The following PLCB3 variants were observed in gnomAD, a reference collection of about 807,000 sequenced individuals.
PLCB3 encodes the protein 1-phosphatidylinositol 4,5-bisphosphate phosphodiesterase beta-3.
Under a neutral mutation model 152.1 loss-of-function variants are expected in PLCB3, and 54 were observed. The ratio of observed to expected loss-of-function variants is 0.36; its 90% CI spans 0.29 to 0.45. The LOEUF (loss-of-function observed/expected upper bound fraction) is 0.45. Ranked by LOEUF, PLCB3 falls within the 20% of genes least tolerant of loss-of-function variation. The pLI is 1.00. For synonymous variants in PLCB3, 717 were observed against 698.7 expected, an observed-to-expected ratio of 1.03 and a Z score of -0.41; for missense variants, 1,248 against 1,687.5, an observed-to-expected ratio of 0.74 and a Z score of 4.56.
chr11:64,266,075 G>A lies in PLCB3; in HGVS notation c.3189+36G>A, dbSNP rs747729549. 12 of 1,613,848 alleles carry A rather than the reference G, an allele frequency of 7.4e-6. No individual in the cohort carries two copies. Among genetic ancestry groups the A allele is most frequent in the Non-Finnish European group, 1.0e-5 (12 of 1,179,936 alleles). On this transcript the variant is annotated intron_variant, in intron 26 of 30. Transcript: ENST00000279230. The surrounding 1 kb of genome is among the most constrained non-coding windows in gnomAD (Gnocchi z 4.9). ...TGCAGTGGCCAGGGAAAGCCTGCTG[G>A]ATAGACCCGTCGTCAGCCCGGCATC... is the stretch of plus-strand genomic sequence containing the variant.
Position 64,258,848 on chromosome 11 carries a change from G to C in PLCB3, c.1254-37G>C, listed in dbSNP as rs752334609. ...CCCGTAGACCTCAGCTTCCTCTCTG[G>C]GGGAGGGATCTCTGACCTCTGACCT... On this transcript the variant is annotated intron_variant, in intron 11 of 30. Transcript: ENST00000279230. The surrounding 1 kb of genome is among the most constrained non-coding windows in gnomAD (Gnocchi z 7.2). 3.7e-6 allele frequency: 6 copies of C among 1,611,552 alleles called. No homozygotes were observed. The highest frequency in any genetic ancestry group is 1.7e-5 in the Admixed American group (1 of 59,982).
At position 64,259,172 on chromosome 11, in the gene PLCB3, C is replaced by A; in HGVS notation, c.1453C>A (p.Arg485=). The change falls in exon 13 of 31, where the codon CGG becomes AGG. Residue 485 remains arginine (R), a synonymous_variant. Coordinates refer to ENST00000279230, the MANE Select transcript of PLCB3 (RefSeq NM_000932.5). ...AGGPDSAGRK[R]PLEQSNSALS... ...TGGCCCAGACAGCGCCGGGCGCAAG[C>A]GGCCCCTGGAGCAGAGCAATTCTGC... 6.2e-7 allele frequency: 1 copy of A among 1,601,692 alleles called. No individual in the cohort carries two copies. The highest frequency in any genetic ancestry group is 1.1e-5 in the South Asian group (1 of 89,404).
Position 64,261,663 on chromosome 11 carries a change from G to A in PLCB3, c.1911G>A (p.Val637=), listed in dbSNP as rs775925011. 3 of 1,613,676 alleles carry A rather than the reference G, an allele frequency of 1.9e-6. No homozygotes were observed. The highest frequency in any genetic ancestry group is 2.7e-5 in the African/African-American group (2 of 75,044). The change falls in exon 16 of 31, where the codon GTG becomes GTA. Residue 637 remains valine, a splice_region_variant and synonymous_variant. Coordinates refer to ENST00000279230, the MANE Select transcript of PLCB3 (RefSeq NM_000932.5). ...EQLTKSPMEF[V]EYNKQQLSRI... is the part of the protein sequence containing the mutation. ...TGACCAAGAGCCCCATGGAGTTTGT[G>A]GAGTATCCTTTGAAGGTGCTGTGGG... is the stretch of plus-strand genomic sequence containing the variant.
At chr11:64,260,336 G>A in intron 14 of PLCB3, 102 bp downstream of exon 14, 1 of 798,688 alleles carries the variant, frequency 1.3e-6, no homozygotes, top group Non-Finnish European at 2.0e-6. Flanking sequence ...CTGCCTCCTG[G>A]GGCTCAGTGT....
intron 13 of PLCB3, 24 bp from the exon 14 acceptor site, chr11:64,260,005 A>C (rs1300124529): frequency 6.2e-7 from 1 of 1,601,550 alleles, no homozygotes; most frequent in Non-Finnish European, 8.5e-7. Flanking sequence ...CTGACCCCTC[A>C]CCCTGTGGCC....
chr11:64,265,998 G>A lies in PLCB3; in HGVS notation c.3148G>A (p.Val1050Met). Residue 1050 changes from valine to methionine, a missense_variant, in exon 26 of 31, where the codon GTG (valine) becomes ATG (methionine). Val to Met is a conservative substitution (Grantham distance 21). Coordinates refer to ENST00000279230, the MANE Select transcript of PLCB3 (RefSeq NM_000932.5). ...CCTGCTGGAGCTGCGGGAGGCCCAG[G>A]TGGACGCAGAGGCCCAGCGGAGGCT... ...QSLLELREAQ[V>M]DAEAQRRLEH... 2 of 1,614,100 alleles carry A rather than the reference G, an allele frequency of 1.2e-6. No homozygotes were observed. Among genetic ancestry groups the A allele is most frequent in the Non-Finnish European group, 8.5e-7 (1 of 1,180,008 alleles).
chr11:64,252,651 CGT>C (rs2031280487), intron 1 of PLCB3, among the ~76,000 whole-genome samples: 1 of 151,986 alleles, frequency 6.6e-6, no homozygotes, highest in Non-Finnish European at 1.5e-5. Flanking sequence ...GAGATGGGGG[CGT>C]GGCCTGAAGC....
At chr11:64,263,370 T>A (rs962095003) in intron 19 of PLCB3, 128 bp from the exon 20 acceptor site, 1 of 627,654 alleles carries the variant, frequency 1.6e-6, no homozygotes, top group African/African-American at 1.8e-5. Context: ...CAATGGTGAC[T>A]GATGGTCAGT....
rs1225651496 is a variant in PLCB3 at position 64,255,005 on chromosome 11, G to A, written c.354G>A (p.Leu118=). Residue 118 remains leucine (L), a synonymous_variant, in exon 4 of 31, where the codon TTG becomes TTA. Transcript: ENST00000279230. This position sits in a 1 kb window ranked among gnomAD's most constrained non-coding sequence, Gnocchi z 6.8. ...SGPDPVNTVF[L]NFMAVQDDTA... ...CAGACCCAGTGAACACAGTGTTCTT[G>A]AACTTCATGGCCGTGCAGGATGACA... 1 of 1,576,312 alleles carries A rather than the reference G, an allele frequency of 6.3e-7. No homozygotes were observed. The highest frequency in any genetic ancestry group is 1.8e-5 in the Admixed American group (1 of 56,852).
Position 64,267,789 on chromosome 11 carries a change from C to T in PLCB3, c.*233C>T, listed in dbSNP as rs1302750682. ...GGCTTTGCTCCCTGTGACACCCACA[C>T]CCTCGAGCTAGCAGCGTCTCCTCCC... is the stretch of plus-strand genomic sequence containing the variant. On this transcript the variant is annotated 3_prime_UTR_variant, in exon 31 of 31. Coordinates refer to ENST00000279230, the MANE Select transcript of PLCB3 (RefSeq NM_000932.5). The surrounding 1 kb of genome is among the most constrained non-coding windows in gnomAD (Gnocchi z 5.2). The T allele has an allele frequency of 4.1e-6, 2 of 487,670 alleles. No homozygotes were observed. Among genetic ancestry groups the T allele is most frequent in the East Asian group, 6.8e-5 (2 of 29,570 alleles). The allele number at this position is 487,670 out of a possible 1,614,324, so 30.2% of individuals were successfully genotyped here.
In PLCB3 at chr11:64,262,687, T is replaced by C. The variant is rs767776666; in HGVS notation, c.2234T>C (p.Ile745Thr). 1.7e-5 allele frequency: 28 copies of C among 1,613,950 alleles called. 1 individual carries two copies. The South Asian group carries it at 2.9e-4, about 16-fold the overall frequency. The change falls in exon 19 of 31, where the codon ATC becomes ACC. Residue 745 changes from isoleucine to threonine, a missense_variant. Ile to Thr is a moderately conservative substitution (Grantham distance 89, BLOSUM62 -1). Transcript: ENST00000279230. ...TTCCTGTCCGACAGGAAGGTGGGCA[T>C]CTACGTGGAGGTGGACATGTTTGGC... The part of the protein sequence containing the change: ...GQFLSDRKVG[I>T]YVEVDMFGLP...
chr11:64,254,542 A>G (rs1392008977), intron 2 of PLCB3, 50 bp downstream of exon 2: 1 of 1,568,252 alleles, frequency 6.4e-7, no homozygotes, highest in African/African-American at 1.4e-5. Context: ...CCCCTGTCCC[A>G]GACCCCTGCC....
chr11:64,264,477 T>TC (rs1272418378), intron 22 of PLCB3, among the ~76,000 whole-genome samples: 3 of 151,814 alleles, frequency 2.0e-5, no homozygotes, highest in South Asian at 2.1e-4. Context: ...CCAGATCCAG[T>TC]CCCCCCAGGG....
At position 64,256,595 on chromosome 11, in the gene PLCB3, C is replaced by T. The variant is rs1555061215; in HGVS notation, c.866-23C>T. The stretch of plus-strand genomic sequence containing the variant: ...GGGGCAGGTGGGACCCCAGCTGACC[C>T]TGCTGATCCTCTCCCACCCCAGACC... On this transcript the variant is annotated intron_variant, in intron 9 of 30. Coordinates refer to ENST00000279230, the MANE Select transcript of PLCB3 (RefSeq NM_000932.5). The T allele has an allele frequency of 2.0e-5, 32 of 1,613,570 alleles. No homozygotes were observed. In the South Asian group the frequency reaches 3.4e-4, roughly 17 times the overall value.
intron 1 of PLCB3, 114 bp downstream of exon 1, chr11:64,251,862 C>T (rs561981223): frequency 1.8e-4 from 95 of 540,142 alleles, no homozygotes; most frequent in Admixed American, 8.0e-4. Context: ...ACCCTCATCC[C>T]AGTCTGGCGG....
At chr11:64,264,902 C>T in intron 22 of PLCB3, 49 bp from the exon 23 acceptor site, 1 of 1,599,290 alleles carries the variant, frequency 6.3e-7, no homozygotes, top group Non-Finnish European at 8.6e-7. Context: ...ACAGAAGGGT[C>T]TGGAGGGAAC....
intron 17 of PLCB3, 69 bp from the exon 18 acceptor site, chr11:64,262,338 C>A (rs953913408): frequency 7.0e-6 from 11 of 1,562,968 alleles, no homozygotes; most frequent in Non-Finnish European, 8.7e-6. Flanking sequence ...ACCTGATGAT[C>A]TCCCATTCCC....
Position 64,255,066 on chromosome 11 carries a change from G to A in PLCB3, c.387+28G>A. ...GGGCTGGCACCAAGGGGACGAAGGG[G>A]GAGTCACTGTCTTATTCTGTGAGTC... On this transcript the variant is annotated intron_variant, in intron 4 of 30. Transcript: ENST00000279230. The surrounding 1 kb of genome is among the most constrained non-coding windows in gnomAD (Gnocchi z 6.8). 6.4e-7 allele frequency: 1 copy of A among 1,574,514 alleles called. No individual in the cohort carries two copies. Among genetic ancestry groups the A allele is most frequent in the Non-Finnish European group, 8.6e-7 (1 of 1,156,836 alleles).
At chr11:64,260,347 G>C in intron 14 of PLCB3, 113 bp downstream of exon 14, 1 of 726,740 alleles carries the variant, frequency 1.4e-6, no homozygotes. Flanking sequence ...GGCTCAGTGT[G>C]GGTGTGAGTG....
Sources: allele counts gnomAD v4.1 joint callset (sites outside exome capture counted in the v4.1 genomes callset), GRCh38; gene constraint gnomAD v4.1.1; non-coding constraint Gnocchi (gnomAD v3.1); transcripts MANE v1.5; gene names NCBI Gene and HGNC (gene_info 2026-07-23, HGNC 2026-07-21).